SLC6A18: variants seen among roughly 807,000 people sequenced by gnomAD.
The protein encoded by SLC6A18 is inactive sodium-dependent neutral amino acid transporter B(0)AT3.
A neutral mutation model predicts 62.9 loss-of-function variants in SLC6A18; 58 were observed. The ratio of observed to expected loss-of-function variants is 0.92; its 90% CI spans 0.75 to 1.15. The LOEUF is 1.15. Ranked by LOEUF, SLC6A18 falls within the 50% of genes most tolerant of loss-of-function variation. The pLI is 0.00. For synonymous variants in SLC6A18, 382 were observed against 365.8 expected (o/e 1.04, Z -0.51); for missense variants, 793 against 836.6 (o/e 0.95, Z 0.64).
Position 1,233,588 on chromosome 5 carries a change from T to C in SLC6A18, c.439+700T>C, listed in dbSNP as rs1244725222. Among the ~76,000 whole-genome samples, 13 of 149,364 alleles carry C rather than the reference T, an allele frequency of 8.7e-5. 1 individual carries two copies. The highest frequency in any genetic ancestry group is 1.6e-4 in the Non-Finnish European group (11 of 67,056). The stretch of plus-strand genomic sequence containing the variant: ...TGAATGACAGTTATATTTTCTTCTT[T>C]TTTTTTTTTTTTTGGGACAAGGTCT... On this transcript the variant is annotated intron_variant, in intron 3 of 11. Coordinates refer to ENST00000324642, the MANE Select transcript of SLC6A18 (RefSeq NM_182632.3).
At position 1,243,432 on chromosome 5, in the gene SLC6A18, C is replaced by A; in HGVS notation, c.1132-123C>A. On this transcript the variant is annotated intron_variant, in intron 8 of 11. Transcript: ENST00000324642. The surrounding 1 kb of genome is among the most constrained non-coding windows in gnomAD (Gnocchi z 6.5). ...AGCCCTGAGCCACCTCAGCCCGACA[C>A]CAGGAGGGGTGATGTGCACTCGTGT... 8.7e-7 allele frequency: 1 copy of A among 1,146,000 alleles called. No homozygotes were observed. The highest frequency in any genetic ancestry group is 1.3e-6 in the Non-Finnish European group (1 of 798,024). The allele number at this position is 1,146,000 out of a possible 1,614,324, so 71.0% of individuals were successfully genotyped here. A position where few individuals can be genotyped will look rare whatever the true frequency, so the allele number is the denominator to read the frequency against.
intron 1 of SLC6A18, among the ~76,000 whole-genome samples, chr5:1,226,923 C>T (rs904842885): frequency 1.3e-5 from 2 of 151,978 alleles, no homozygotes; most frequent in Admixed American, 1.3e-4. Context: ...CAATGCCTTG[C>T]CCACCGATGC....
intron 1 of SLC6A18, among the ~76,000 whole-genome samples, chr5:1,226,202 C>T (rs139681690): frequency 2.0e-4 from 30 of 152,276 alleles, no homozygotes; most frequent in Admixed American, 4.6e-4. Context: ...ACCTTGGACT[C>T]ACCACCCCCA....
At chr5:1,242,142 G>A (rs568487350) in intron 7 of SLC6A18, among the ~76,000 whole-genome samples, 54 of 152,288 alleles carry the variant, frequency 3.5e-4, no homozygotes, top group Middle Eastern at 3.4e-3. Context: ...TCTGCAGGGC[G>A]GCCCCACAGG....
chr5:1,226,332 G>A (rs1412024956), intron 1 of SLC6A18, among the ~76,000 whole-genome samples: 1 of 152,190 alleles, frequency 6.6e-6, no homozygotes, highest in Non-Finnish European at 1.5e-5. Context: ...AGGATGTAGG[G>A]ACAGGCATGA....
intron 5 of SLC6A18, among the ~76,000 whole-genome samples, chr5:1,238,375 C>T (rs1297672586): frequency 2.2e-4 from 23 of 103,564 alleles, no homozygotes; most frequent in African/African-American, 9.2e-4. Context: ...TGGAGTGGGC[C>T]TGGGGCCTCA....
At chr5:1,227,018 C>T (rs1253001745) in intron 1 of SLC6A18, among the ~76,000 whole-genome samples, 7 of 71,810 alleles carry the variant, frequency 9.7e-5, no homozygotes, top group South Asian at 3.9e-4. Flanking sequence ...TGCCCGCCGA[C>T]GCGCCCAACG....
rs544435022 is a variant in SLC6A18, at chr5:1,239,483, G to A, written c.766G>A (p.Asp256Asn). 11 of 1,614,122 alleles carry A rather than the reference G, an allele frequency of 6.8e-6. No individual in the cohort carries two copies. In the South Asian group the frequency reaches 1.2e-4, roughly 18 times the overall value. Reference protein sequence around the residue: ...HILQNPRVWLDAATQIFFSLS... With the variant: ...HILQNPRVWLNAATQIFFSLS... The stretch of plus-strand genomic sequence containing the variant: ...TCTCCAGAACCCCCGGGTGTGGCTG[G>A]ACGCAGCCACCCAGATATTCTTCTC... Residue 256 changes from aspartate to asparagine, a missense_variant, in exon 6 of 12, where the codon GAC (aspartate) becomes AAC (asparagine). Transcript: ENST00000324642.
At position 1,241,299 on chromosome 5, in the gene SLC6A18, C is replaced by A. The variant is rs1747054001; in HGVS notation, c.974+640C>A. Among the ~76,000 whole-genome samples, 1 of 152,212 alleles carries A rather than the reference C, an allele frequency of 6.6e-6. No individual in the cohort carries two copies. The highest frequency in any genetic ancestry group is 2.4e-5 in the African/African-American group (1 of 41,454). On this transcript the variant is annotated intron_variant, in intron 7 of 11. Coordinates refer to ENST00000324642, the MANE Select transcript of SLC6A18 (RefSeq NM_182632.3). This position sits in a 1 kb window ranked among gnomAD's most constrained non-coding sequence, Gnocchi z 7.8. Reference sequence around the variant, plus strand: ...GGTGGGTCCTTGAGAACCCACTGGGCAGACAGCACGTCCCTGCAACATGGG... The same window carrying A: ...GGTGGGTCCTTGAGAACCCACTGGGAAGACAGCACGTCCCTGCAACATGGG...
Position 1,244,277 on chromosome 5 carries a change from GGCTGGAGATTTTCGA to G in SLC6A18, c.1401_1415del (p.Trp467_Asp472delinsCys), listed in dbSNP as rs1747151763. On this transcript the variant is annotated inframe_deletion, in exon 10 of 12. Coordinates refer to ENST00000324642, the MANE Select transcript of SLC6A18 (RefSeq NM_182632.3). ...TTCACGCTGCAGTCTGGGAACTACT[GGCTGGAGATTTTCGA>G]CAATTTTGCCGCTTCCCCGAACCTG... The G allele has an allele frequency of 1.9e-6, 3 of 1,613,690 alleles. No individual in the cohort carries two copies. The African/African-American group carries it at 4.0e-5, about 22-fold the overall frequency.
At chr5:1,232,169 C>G in intron 1 of SLC6A18, 50 bp from the exon 2 acceptor site, 1 of 1,511,042 alleles carries the variant, frequency 6.6e-7, no homozygotes, top group Non-Finnish European at 9.0e-7. Flanking sequence ...ACGCCACAGT[C>G]CCCCCCAGCC....
At chr5:1,238,415 GGGCCTC>G (rs1561178849) in intron 5 of SLC6A18, among the ~76,000 whole-genome samples, 31 of 69,954 alleles carry the variant, frequency 4.4e-4, no homozygotes, top group Non-Finnish European at 5.4e-4. Flanking sequence ...AGTGGGCCTG[GGGCCTC>G]AGGAAAGAGG....
chr5:1,232,116 T>C, intron 1 of SLC6A18, 103 bp from the exon 2 acceptor site: 1 of 1,029,210 alleles, frequency 9.7e-7, no homozygotes, highest in Non-Finnish European at 1.4e-6. Context: ...AACATTCAGG[T>C]CCCGTCTGCC....
At position 1,245,979 on chromosome 5, in the gene SLC6A18, G is replaced by A. The variant is rs1219497612; in HGVS notation, c.1788G>A (p.Arg596=). ...ALAQLLTRRR[R]TWRDRDARPD... is the part of the protein sequence containing the mutation. ...CTCAGCTGCTCACCCGGCGGAGGCG[G>A]ACGTGGAGGGACAGGGACGCGCGCC... Residue 596 remains arginine, a synonymous_variant, in exon 12 of 12, where the codon CGG becomes CGA. Transcript: ENST00000324642. 1 of 1,599,784 alleles carries A rather than the reference G, an allele frequency of 6.3e-7. No homozygotes were observed. Among genetic ancestry groups the A allele is most frequent in the Non-Finnish European group, 8.5e-7 (1 of 1,178,458 alleles).
intron 3 of SLC6A18, among the ~76,000 whole-genome samples, chr5:1,233,952 A>T (rs376157838): frequency 6.6e-6 from 1 of 152,082 alleles, no homozygotes; most frequent in African/African-American, 2.4e-5. Context: ...CATGTTAGCC[A>T]GGATGGTCTC....
intron 1 of SLC6A18, among the ~76,000 whole-genome samples, chr5:1,226,543 A>C (rs989329367): frequency 9.2e-5 from 14 of 152,176 alleles, no homozygotes; most frequent in Non-Finnish European, 1.9e-4. Flanking sequence ...TACTCCTTTA[A>C]AGTGTTTTTC....
rs369819906 is a variant in SLC6A18 at position 1,232,217 on chromosome 5, A to G, written c.161-2A>G. ...CAGGTGCTGACCACCCCCTCCTCAC[A>G]GGGGCCTTCCTCATCCCCTACGTCA... is the stretch of plus-strand genomic sequence containing the variant. On this transcript the variant is annotated splice_acceptor_variant, in intron 1 of 11. Transcript: ENST00000324642. LOFTEE classifies it high-confidence loss of function. The G allele has an allele frequency of 1.2e-6, 2 of 1,609,452 alleles. No individual in the cohort carries two copies. Among genetic ancestry groups the G allele is most frequent in the Non-Finnish European group, 1.7e-6 (2 of 1,178,020 alleles).
intron 11 of SLC6A18, among the ~76,000 whole-genome samples, chr5:1,245,359 C>A (rs1016923679): frequency 2.6e-5 from 4 of 152,190 alleles, no homozygotes; most frequent in Non-Finnish European, 5.9e-5. Context: ...CAAAACCTCA[C>A]CATGCCACCC....
At chr5:1,226,079 G>C (rs939150652) in intron 1 of SLC6A18, among the ~76,000 whole-genome samples, 1 of 152,290 alleles carries the variant, frequency 6.6e-6, no homozygotes, top group African/African-American at 2.4e-5. Context: ...GCCCTTCTCC[G>C]AGGTTCTTTG....
Sources: allele counts gnomAD v4.1 joint callset (sites outside exome capture counted in the v4.1 genomes callset), GRCh38; gene constraint gnomAD v4.1.1; non-coding constraint Gnocchi (gnomAD v3.1); transcripts MANE v1.5; gene names NCBI Gene and HGNC (gene_info 2026-07-23, HGNC 2026-07-21).